The following TRIP11 variants were observed in gnomAD, a reference collection of about 807,000 sequenced individuals.
TRIP11 encodes the protein thyroid receptor-interacting protein 11.
In TRIP11, 148 loss-of-function variants were observed where a neutral mutation model predicts 223.1. The ratio of observed to expected loss-of-function variants is 0.66; its 90% CI spans 0.58 to 0.76. The LOEUF (loss-of-function observed/expected upper bound fraction) is 0.76, where lower values mean the gene tolerates loss of function less well. TRIP11 is among the 30% of genes least tolerant of loss of function. The pLI, the probability that TRIP11 is intolerant of heterozygous loss-of-function variation, is 0.00. For missense variants in TRIP11, 2,043 were observed against 2,222.0 expected, an observed-to-expected ratio of 0.92 and a Z score of 1.62; for synonymous variants, 762 against 772.6, an observed-to-expected ratio of 0.99 and a Z score of 0.23.
intron 19 of TRIP11, among the ~76,000 whole-genome samples, chr14:91,974,115 G>C (rs114324918): frequency 0.013 from 2,015 of 152,284 alleles, 30 homozygotes; most frequent in African/African-American, 0.045. Flanking sequence ...TTCATCTAGA[G>C]CCTACAACAT....
chr14:92,002,670 G>A (rs2056841772), intron 11 of TRIP11, among the ~76,000 whole-genome samples: 1 of 151,320 alleles, frequency 6.6e-6, no homozygotes, highest in East Asian at 1.9e-4. Context: ...TCTGCCTCCT[G>A]GGTTCAAATG....
chr14:92,021,130 C>A (rs2057108787), intron 4 of TRIP11, among the ~76,000 whole-genome samples: 1 of 149,778 alleles, frequency 6.7e-6, no homozygotes, highest in Admixed American at 6.6e-5. Context: ...CAGTGGCTCA[C>A]ACTTGTTATC....
At chr14:92,032,779 G>C (rs2057282476) in intron 2 of TRIP11, among the ~76,000 whole-genome samples, 1 of 150,216 alleles carries the variant, frequency 6.7e-6, no homozygotes, top group South Asian at 2.1e-4. Context: ...GTTGTAGTGA[G>C]CCAAGATAGT....
At chr14:91,977,260 CAA>C (rs1247816978) in intron 16 of TRIP11, 2 of 452,124 alleles carry the variant, frequency 4.4e-6, no homozygotes, top group African/African-American at 4.0e-5. Context: ...TTTTGAAACA[CAA>C]AAGTTTTCAA....
intron 5 of TRIP11, among the ~76,000 whole-genome samples, chr14:92,016,325 T>C (rs1452823223): frequency 6.6e-6 from 1 of 152,164 alleles, no homozygotes; most frequent in Non-Finnish European, 1.5e-5. Flanking sequence ...GAGCCCACTG[T>C]GTCTCTCGCA....
intron 15 of TRIP11, among the ~76,000 whole-genome samples, chr14:91,989,303 T>C (rs2056644004): frequency 6.6e-6 from 1 of 152,146 alleles, no homozygotes; most frequent in Non-Finnish European, 1.5e-5. Flanking sequence ...TTTACTTTTG[T>C]TTATGATGTA....
intron 5 of TRIP11, 70 bp downstream of exon 5, chr14:92,017,612 T>C (rs2140133205): frequency 8.5e-7 from 1 of 1,178,664 alleles, no homozygotes; most frequent in East Asian, 2.4e-5. Flanking sequence ...CTTTTACTAA[T>C]TCAGGCCTAT....
At position 92,004,656 on chromosome 14, in the gene TRIP11, T is replaced by G; in HGVS notation, c.3320A>C (p.Glu1107Ala). Residue 1107 changes from glutamate to alanine, a missense_variant, in exon 11 of 21, where the codon GAG becomes GCG. Physicochemically the swap from Glu to Ala is moderately radical, Grantham distance 107 (BLOSUM62 -1). Coordinates refer to ENST00000267622, the MANE Select transcript of TRIP11 (RefSeq NM_004239.4). ...TAGATGGCTATTTTCCCTAGTCTTC[T>G]CATTCAAAACAGCAAATACCTTTTC... is the stretch of plus-strand genomic sequence containing the variant. ...EREKVFAVLN[E>A]KTRENSHLKT... The G allele has an allele frequency of 6.2e-7, 1 of 1,614,172 alleles. No homozygotes were observed. The highest frequency in any genetic ancestry group is 8.5e-7 in the Non-Finnish European group (1 of 1,180,020).
chr14:92,018,978 A>G (rs1013999534), intron 4 of TRIP11, among the ~76,000 whole-genome samples: 1 of 129,554 alleles, frequency 7.7e-6, no homozygotes. Context: ...AAAAAAAAAA[A>G]CAAAAAAAAA....
At chr14:91,988,154 G>T in intron 16 of TRIP11, 130 bp downstream of exon 16, 1 of 721,092 alleles carries the variant, frequency 1.4e-6, no homozygotes, top group Non-Finnish European at 2.4e-6. Flanking sequence ...AGTCAGTCAG[G>T]GAAGATACAA....
chr14:92,013,097 T>C (rs188303187), intron 7 of TRIP11, among the ~76,000 whole-genome samples: 281 of 152,236 alleles, frequency 1.8e-3, no homozygotes, highest in Non-Finnish European at 9.0e-4. Flanking sequence ...TGAAACCCTG[T>C]CTCTACTAAA....
In TRIP11 at chr14:92,010,967, C is replaced by G. The variant is rs751423289; in HGVS notation, c.1314+19G>C. On this transcript the variant is annotated intron_variant, in intron 9 of 20. Coordinates refer to ENST00000267622, the MANE Select transcript of TRIP11 (RefSeq NM_004239.4). Reference sequence around the variant, plus strand: ...TACACATACCATTTTAATTCTGCCCCCATTTTTACAGCACCCACCTTTTCT... The same window carrying G: ...TACACATACCATTTTAATTCTGCCCGCATTTTTACAGCACCCACCTTTTCT... 2.5e-6 allele frequency: 4 copies of G among 1,611,268 alleles called. No homozygotes were observed. Among genetic ancestry groups the G allele is most frequent in the Non-Finnish European group, 2.5e-6 (3 of 1,177,696 alleles).
Position 92,033,272 on chromosome 14 carries a change from A to G in TRIP11, c.140-19T>C. ...AATTCTGCTACAAGAGAAATAACAA[A>G]TATTGAATATTTAATCAATACCATA... On this transcript the variant is annotated intron_variant, in intron 1 of 20. Coordinates refer to ENST00000267622, the MANE Select transcript of TRIP11 (RefSeq NM_004239.4). 1 of 1,581,676 alleles carries G rather than the reference A, an allele frequency of 6.3e-7. No homozygotes were observed. The highest frequency in any genetic ancestry group is 1.1e-5 in the South Asian group (1 of 89,964).
chr14:92,023,857 CTTTTT>C (rs5810569), intron 3 of TRIP11, among the ~76,000 whole-genome samples: 1 of 141,196 alleles, frequency 7.1e-6, no homozygotes. Context: ...ATCTGCTGAA[CTTTTT>C]TTTTTTTTTT....
At chr14:92,025,878 C>CAAAAAAAAAAAAAAA (rs372915026) in intron 2 of TRIP11, among the ~76,000 whole-genome samples, 2 of 74,058 alleles carry the variant, frequency 2.7e-5, no homozygotes, top group African/African-American at 9.3e-5. Context: ...GACTCCGTCT[C>CAAAAAAAAAAAAAAA]AAAAAAAAAA....
Position 92,017,970 on chromosome 14 carries a change from G to A in TRIP11, c.589-220C>T, listed in dbSNP as rs143304475. 4.1e-4 allele frequency among the ~76,000 whole-genome samples: 62 copies of A among 152,086 alleles called. No individual in the cohort carries two copies. In the East Asian group the frequency reaches 0.012, roughly 28 times the overall value. The stretch of plus-strand genomic sequence containing the variant: ...TTAAGAATGTATTAACTAATGGGGG[G>A]GACAACAGTTTTACAAAATAACTAA... On this transcript the variant is annotated intron_variant, in intron 4 of 20. Coordinates refer to ENST00000267622, the MANE Select transcript of TRIP11 (RefSeq NM_004239.4).
intron 15 of TRIP11, among the ~76,000 whole-genome samples, chr14:91,992,077 C>G (rs2056679917): frequency 2.6e-5 from 1 of 38,908 alleles, no homozygotes; most frequent in South Asian, 1.2e-3. Context: ...GAAACGCCGT[C>G]TCAAAAAAAA....
Position 91,978,844 on chromosome 14 carries a change from T to C in TRIP11, c.5261-2655A>G, listed in dbSNP as rs553537845. Among the ~76,000 whole-genome samples the C allele has an allele frequency of 6.6e-6, 1 of 152,316 alleles. No individual in the cohort carries two copies. The highest frequency in any genetic ancestry group is 1.9e-4 in the East Asian group (1 of 5,188). On this transcript the variant is annotated intron_variant, in intron 16 of 20. Transcript: ENST00000267622. This position sits in a 1 kb window ranked among gnomAD's most constrained non-coding sequence, Gnocchi z 4.4. ...AACAATTTCACCTATAGCTTTTTAC[T>C]GTTTTAACATGGCCACTAAAAAATT...
chr14:92,031,752 G>A (rs1319380790), intron 2 of TRIP11, among the ~76,000 whole-genome samples: 2 of 152,172 alleles, frequency 1.3e-5, no homozygotes, highest in Non-Finnish European at 2.9e-5. Flanking sequence ...GAGTCTTTAT[G>A]CTTTCAAAAC....
Sources: gnomAD v4.1 joint callset for allele counts (sites outside exome capture counted in the v4.1 genomes callset) on GRCh38, gnomAD v4.1.1 for gene constraint, Gnocchi (gnomAD v3.1) non-coding constraint, MANE v1.5 for transcripts, NCBI Gene and HGNC (gene_info 2026-07-23, HGNC 2026-07-21) for gene names.